The following TIMM9 variants were observed in gnomAD, a reference collection of about 807,000 sequenced individuals.
TIMM9 encodes translocase of inner mitochondrial membrane 9.
A neutral mutation model predicts 13.4 loss-of-function variants in TIMM9; 10 were observed. That is an observed-to-expected ratio of 0.75 (90% confidence interval 0.46 to 1.26). The LOEUF is 1.26. Among genes scored for constraint, TIMM9 ranks in the 50% most tolerant of loss-of-function variants. TIMM9 has a pLI of 0.00. For synonymous variants in TIMM9, 32 were observed against 32.1 expected (o/e 1.00, Z 0.01); for missense variants, 87 against 100.8 (o/e 0.86, Z 0.58).
intron 5 of TIMM9, among the ~76,000 whole-genome samples, chr14:58,410,240 T>A (rs2036170533): frequency 6.6e-6 from 1 of 151,984 alleles, no homozygotes; most frequent in Non-Finnish European, 1.5e-5. Context: ...CTAGCTAATT[T>A]TTTTTTGTAT....
chr14:58,412,826 A>C (rs2036264952), intron 3 of TIMM9, among the ~76,000 whole-genome samples: 1 of 152,090 alleles, frequency 6.6e-6, no homozygotes, highest in Non-Finnish European at 1.5e-5. Flanking sequence ...GCTTGAACTC[A>C]GGACGTTGAG....
At chr14:58,420,716 C>A (rs1168485864) in intron 3 of TIMM9, among the ~76,000 whole-genome samples, 1 of 151,222 alleles carries the variant, frequency 6.6e-6, no homozygotes, top group African/African-American at 2.4e-5. Flanking sequence ...TTGCTTGAAC[C>A]CAGGAGGTGG....
In TIMM9 at chr14:58,408,757, T is replaced by C; in HGVS notation, c.*277A>G. The C allele has an allele frequency of 1.4e-6, 1 of 724,466 alleles. No homozygotes were observed. The highest frequency in any genetic ancestry group is 2.2e-6 in the Non-Finnish European group (1 of 458,784). The allele number at this position is 724,466 out of a possible 1,614,324, so 44.9% of individuals were successfully genotyped here. On this transcript the variant is annotated 3_prime_UTR_variant, in exon 6 of 6. Coordinates refer to ENST00000395159, the MANE Select transcript of TIMM9 (RefSeq NM_012460.4). ...TTAACAGTCACAATTGAAGAAACAA[T>C]GGTTTATTTTTCTAATCAAGTGACC... is the stretch of plus-strand genomic sequence containing the variant.
At chr14:58,422,256 CA>C in intron 3 of TIMM9, among the ~76,000 whole-genome samples, 1 of 151,962 alleles carries the variant, frequency 6.6e-6, no homozygotes, top group Non-Finnish European at 1.5e-5. Flanking sequence ...GTTGGGATTA[CA>C]GGCATGCACC....
In TIMM9 at chr14:58,422,900, C is replaced by A. The variant is rs371087703; in HGVS notation, c.-27+1108G>T. On this transcript the variant is annotated intron_variant, in intron 3 of 5. Coordinates refer to ENST00000395159, the MANE Select transcript of TIMM9 (RefSeq NM_012460.4). ...TTTCAGCTTACTACATCTTCCGCCT[C>A]CTGGGTTCAAGTGATTTTGTGCCTC... Among the ~76,000 whole-genome samples the A allele has an allele frequency of 5.3e-5, 8 of 152,124 alleles. 1 individual carries two copies. The South Asian group carries it at 6.2e-4, about 12-fold the overall frequency.
At chr14:58,412,147 T>A (rs548258354) in intron 3 of TIMM9, 176 bp from the exon 4 acceptor site, 4 of 518,654 alleles carry the variant, frequency 7.7e-6, no homozygotes, top group African/African-American at 5.8e-5. Flanking sequence ...AGAATTAGAT[T>A]TTCTTTTTTT....
chr14:58,424,038 C>T lies in TIMM9; in HGVS notation c.-57G>A, dbSNP rs2036666931. 1 of 152,130 alleles carries T rather than the reference C, an allele frequency of 6.6e-6. No individual in the cohort carries two copies. The highest frequency in any genetic ancestry group is 1.5e-5 in the Non-Finnish European group (1 of 68,002). The allele number at this position is 152,130 out of a possible 1,614,324, so 9.4% of individuals were successfully genotyped here. A position where few individuals can be genotyped will look rare whatever the true frequency, so the allele number is the denominator to read the frequency against. On this transcript the variant is annotated 5_prime_UTR_variant, in exon 3 of 6. Transcript: ENST00000395159. ...CTGATGCATGAGTTTCCTTTCTGTT[C>T]TGGAAAAGTAGTTGTCCAACCTTTG...
Position 58,408,921 on chromosome 14 carries a change from G to C in TIMM9, c.*113C>G, listed in dbSNP as rs1170555202. On this transcript the variant is annotated 3_prime_UTR_variant, in exon 6 of 6. Coordinates refer to ENST00000395159, the MANE Select transcript of TIMM9 (RefSeq NM_012460.4). ...TTCCATTTGCCAAACAGTCATGACA[G>C]ATGGTTGAACATGGTGGCTACTGCT... is the stretch of plus-strand genomic sequence containing the variant. 2 of 1,456,866 alleles carry C rather than the reference G, an allele frequency of 1.4e-6. No homozygotes were observed. Among genetic ancestry groups the C allele is most frequent in the African/African-American group, 2.9e-5 (2 of 69,820 alleles). 90.2% of individuals were successfully genotyped at this position (1,456,866 alleles called of 1,614,324 possible). A position where few individuals can be genotyped will look rare whatever the true frequency, so the allele number is the denominator to read the frequency against.
rs376331147 is a variant in TIMM9 at position 58,408,505 on chromosome 14, G to A, written c.*529C>T. ...GATCATGCATTGAAATGATTAGCAA[G>A]TAACTATTTTATGTATTCACCAGCA... On this transcript the variant is annotated 3_prime_UTR_variant, in exon 6 of 6. Transcript: ENST00000395159. The A allele has an allele frequency of 1.1e-4, 171 of 1,607,196 alleles. No homozygotes were observed. The highest frequency in any genetic ancestry group is 1.4e-4 in the Non-Finnish European group (161 of 1,174,158).
intron 3 of TIMM9, among the ~76,000 whole-genome samples, chr14:58,414,343 T>A (rs1192113867): frequency 6.6e-6 from 1 of 151,996 alleles, no homozygotes; most frequent in Admixed American, 6.6e-5. Context: ...CAAAAAAAAA[T>A]TAACATTCTG....
intron 4 of TIMM9, among the ~76,000 whole-genome samples, chr14:58,411,702 C>G (rs576608757): frequency 1.3e-5 from 2 of 151,998 alleles, no homozygotes; most frequent in African/African-American, 4.8e-5. Context: ...GCACGCCCAG[C>G]TAATTTTTGT....
At chr14:58,411,095 A>G (rs773736082) in intron 4 of TIMM9, among the ~76,000 whole-genome samples, 157 bp from the exon 5 acceptor site, 6 of 152,168 alleles carry the variant, frequency 3.9e-5, no homozygotes, top group Non-Finnish European at 5.9e-5. Context: ...TGATCTACAG[A>G]ATAGTTTTAT....
chr14:58,416,836 C>T (rs1177995606), intron 3 of TIMM9, among the ~76,000 whole-genome samples: 3 of 152,148 alleles, frequency 2.0e-5, no homozygotes, highest in African/African-American at 4.8e-5. Context: ...GGCCAGGTGT[C>T]GTGGCTCATG....
chr14:58,416,538 C>T (rs1017298974), intron 3 of TIMM9, among the ~76,000 whole-genome samples: 5 of 152,166 alleles, frequency 3.3e-5, no homozygotes, highest in African/African-American at 1.2e-4. Context: ...AAAATAATCG[C>T]TCAAGTTTCT....
chr14:58,415,512 T>C (rs200734877), intron 3 of TIMM9, among the ~76,000 whole-genome samples: 4 of 152,028 alleles, frequency 2.6e-5, no homozygotes, highest in South Asian at 2.1e-4. Context: ...AGCAAAGAAA[T>C]AGAAGATATC....
At chr14:58,409,389 A>G (rs956278492) in intron 5 of TIMM9, among the ~76,000 whole-genome samples, 1 of 152,190 alleles carries the variant, frequency 6.6e-6, no homozygotes, top group East Asian at 1.9e-4. Flanking sequence ...GTAGTCACTA[A>G]GAGCAATGAT....
chr14:58,423,028 C>A (rs1017239920), intron 3 of TIMM9, among the ~76,000 whole-genome samples: 1 of 151,868 alleles, frequency 6.6e-6, no homozygotes, highest in African/African-American at 2.4e-5. Flanking sequence ...TGGTCTTGAA[C>A]TCCCGACCTC....
chr14:58,419,623 G>A (rs908263011), intron 3 of TIMM9, among the ~76,000 whole-genome samples: 1 of 151,888 alleles, frequency 6.6e-6, no homozygotes, highest in African/African-American at 2.4e-5. Flanking sequence ...ATGGATTGGG[G>A]GGCCAGGCAT....
At chr14:58,412,762 G>A (rs1371243187) in intron 3 of TIMM9, among the ~76,000 whole-genome samples, 6 of 152,048 alleles carry the variant, frequency 3.9e-5, no homozygotes, top group South Asian at 2.1e-4. Flanking sequence ...TTGGCCAGAC[G>A]TGGTGTCATG....
Sources: gnomAD v4.1 joint callset for allele counts (sites outside exome capture counted in the v4.1 genomes callset) on GRCh38, gnomAD v4.1.1 for gene constraint, MANE v1.5 for transcripts, NCBI Gene and HGNC (gene_info 2026-07-23, HGNC 2026-07-21) for gene names.